Variants in NFAT5 observed in about 807,000 individuals in gnomAD.
NFAT5 encodes the protein nuclear factor of activated T-cells 5.
NFAT5 carries 31 observed loss-of-function variants against 166.5 expected under a neutral mutation model. The observed-to-expected ratio is 0.19, with a 90% confidence interval of 0.14 to 0.25. The LOEUF is 0.25. NFAT5 is among the 10% of genes least tolerant of loss of function. The pLI is 1.00. For synonymous variants in NFAT5, 612 were observed against 639.7 expected (o/e 0.96, Z 0.65); for missense variants, 1,449 against 1,821.8 (o/e 0.80, Z 3.72).
chr16:69,587,944 C>CTTTTTTTTTTTTTT (rs61460423), intron 2 of NFAT5, among the ~76,000 whole-genome samples: 1 of 68,250 alleles, frequency 1.5e-5, no homozygotes, highest in Non-Finnish European at 2.9e-5. Flanking sequence ...ATAGTGCTTT[C>CTTTTTTTTTTTTTT]TTTTTTTTTT....
intron 2 of NFAT5, among the ~76,000 whole-genome samples, chr16:69,585,751 C>G (rs1442902982): frequency 2.6e-5 from 4 of 152,104 alleles, no homozygotes; most frequent in African/African-American, 9.7e-5. Context: ...TTGTATGATT[C>G]CATTTACATC....
chr16:69,575,417 C>T (rs2016690390), intron 2 of NFAT5, among the ~76,000 whole-genome samples: 1 of 152,252 alleles, frequency 6.6e-6, no homozygotes, highest in African/African-American at 2.4e-5. Flanking sequence ...ATCCGCCCGC[C>T]TCAGCCTCCC....
At chr16:69,634,911 G>T (rs1346261369) in intron 3 of NFAT5, among the ~76,000 whole-genome samples, 4 of 151,616 alleles carry the variant, frequency 2.6e-5, no homozygotes, top group African/African-American at 9.7e-5. Flanking sequence ...TCTTCTTAAG[G>T]TTCTTATGAA....
chr16:69,688,202 CAAAAAAA>C (rs1188158260), intron 11 of NFAT5, among the ~76,000 whole-genome samples: 19 of 49,524 alleles, frequency 3.8e-4, no homozygotes, highest in African/African-American at 1.0e-3. Context: ...GACTCCGTCT[CAAAAAAA>C]AAAAAAAAAA....
In NFAT5 at chr16:69,692,432, A is replaced by C; in HGVS notation, c.2607A>C (p.Pro869=). 6.2e-7 allele frequency: 1 copy of C among 1,614,248 alleles called. No homozygotes were observed. Among genetic ancestry groups the C allele is most frequent in the Non-Finnish European group, 8.5e-7 (1 of 1,180,048 alleles). ...VSPGMFSSTE[P]TVHTRPDNLL... ...CTGGAATGTTTTCCTCAACAGAGCC[A>C]ACAGTCCATACCAGACCAGATAATT... The change falls in exon 13 of 15, where the codon CCA becomes CCC. Residue 869 remains proline, a synonymous_variant. Coordinates refer to ENST00000349945, the MANE Select transcript of NFAT5 (RefSeq NM_138713.4).
Position 69,647,596 on chromosome 16 carries a change from C to A in NFAT5, c.812+10C>A. On this transcript the variant is annotated intron_variant, in intron 4 of 14. Transcript: ENST00000349945. This position sits in a 1 kb window ranked among gnomAD's most constrained non-coding sequence, Gnocchi z 4.8. Reference sequence around the variant, plus strand: ...CAAAAGCGGGAAATGGGTTGGTATTCACATTTTTTAAAATTCTATCATCAT... The same window carrying A: ...CAAAAGCGGGAAATGGGTTGGTATTAACATTTTTTAAAATTCTATCATCAT... 1 of 1,538,158 alleles carries A rather than the reference C, an allele frequency of 6.5e-7. No individual in the cohort carries two copies. The highest frequency in any genetic ancestry group is 8.7e-7 in the Non-Finnish European group (1 of 1,148,840).
intron 10 of NFAT5, 55 bp from the exon 11 acceptor site, chr16:69,684,832 C>G: frequency 8.9e-7 from 1 of 1,127,592 alleles, no homozygotes; most frequent in East Asian, 2.5e-5. Context: ...ATTTAAGATA[C>G]GAGGTTTTTA....
chr16:69,649,730 A>G (rs1431190894), intron 4 of NFAT5, among the ~76,000 whole-genome samples: 1 of 152,048 alleles, frequency 6.6e-6, no homozygotes, highest in Non-Finnish European at 1.5e-5. Flanking sequence ...AAAAGCCTGT[A>G]TTCTTCAACA....
rs1391346855 is a variant in NFAT5, at chr16:69,698,754, ATTG to A, written c.*2409_*2411del. 3 of 152,694 alleles carry A rather than the reference ATTG, an allele frequency of 2.0e-5. No homozygotes were observed. Among genetic ancestry groups the A allele is most frequent in the African/African-American group, 7.2e-5 (3 of 41,546 alleles). The allele number at this position is 152,694 out of a possible 1,614,324, so 9.5% of individuals were successfully genotyped here. On this transcript the variant is annotated 3_prime_UTR_variant, in exon 15 of 15. Transcript: ENST00000349945. ...CTCACTATATATTTAATATTTTATT[ATTG>A]TTGTTATTGTTATTATTAATTGGCT...
chr16:69,589,027 T>C (rs1315650870), intron 2 of NFAT5, among the ~76,000 whole-genome samples: 2 of 145,528 alleles, frequency 1.4e-5, no homozygotes, highest in African/African-American at 5.1e-5. Context: ...GGAGTTTTGC[T>C]TTTGTTGCCC....
rs557208844 is a variant in NFAT5 at position 69,634,809 on chromosome 16, A to G, written c.253+8281A>G. Among the ~76,000 whole-genome samples the G allele has an allele frequency of 1.2e-4, 18 of 152,316 alleles. 2 individuals carry two copies. The highest frequency in any genetic ancestry group is 5.8e-4 in the East Asian group (3 of 5,192). ...AAGACTGAATTTGAATCTAATTGCTATCATATCATATCTCCTATATAGATG... is the reference window on the plus strand; with the variant it reads ...AAGACTGAATTTGAATCTAATTGCTGTCATATCATATCTCCTATATAGATG... On this transcript the variant is annotated intron_variant, in intron 3 of 14. Transcript: ENST00000349945.
chr16:69,688,894 T>C (rs12447883), intron 11 of NFAT5, among the ~76,000 whole-genome samples: 33,122 of 152,138 alleles, frequency 0.22, 3,930 homozygotes, highest in East Asian at 0.45. Context: ...ATAACACTAA[T>C]GGTTTTTCAA....
At chr16:69,664,486 C>T (rs994602294) in intron 7 of NFAT5, among the ~76,000 whole-genome samples, 4 of 151,944 alleles carry the variant, frequency 2.6e-5, no homozygotes, top group East Asian at 1.9e-4. Flanking sequence ...GGGGTTTCAC[C>T]GTGTTAGCCA....
chr16:69,628,574 TCA>T (rs1333261416), intron 3 of NFAT5, among the ~76,000 whole-genome samples: 1 of 152,164 alleles, frequency 6.6e-6, no homozygotes, highest in Non-Finnish European at 1.5e-5. Flanking sequence ...AGAGTTTAAA[TCA>T]CAGAATAATT....
chr16:69,607,658 C>G (rs973211961), intron 2 of NFAT5, among the ~76,000 whole-genome samples: 1 of 152,166 alleles, frequency 6.6e-6, no homozygotes, highest in Non-Finnish European at 1.5e-5. Context: ...TAGCCACTGG[C>G]AAATGGAAAC....
chr16:69,622,458 G>C (rs537816512), intron 2 of NFAT5, among the ~76,000 whole-genome samples: 1 of 152,208 alleles, frequency 6.6e-6, no homozygotes, highest in East Asian at 1.9e-4. Context: ...ACTTGACCTT[G>C]CATTTTACTT....
rs1271624149 is a variant in NFAT5, at chr16:69,699,469, G to A, written c.*3118G>A. On this transcript the variant is annotated 3_prime_UTR_variant, in exon 15 of 15. Transcript: ENST00000349945. ...ACCATATTCTTGTTCAATAATAATAGGTTTGTTGTTTTTTTTACATTGTTA... is the reference window on the plus strand; with the variant it reads ...ACCATATTCTTGTTCAATAATAATAAGTTTGTTGTTTTTTTTACATTGTTA... 1 of 152,526 alleles carries A rather than the reference G, an allele frequency of 6.6e-6. No homozygotes were observed. The highest frequency in any genetic ancestry group is 1.5e-5 in the Non-Finnish European group (1 of 68,010). The allele number at this position is 152,526 out of a possible 1,614,324, so 9.4% of individuals were successfully genotyped here. A position where few individuals can be genotyped will look rare whatever the true frequency, so the allele number is the denominator to read the frequency against.
In NFAT5 at chr16:69,677,340, G is replaced by T. The variant is rs927649450; in HGVS notation, c.1690+5G>T. 2 of 1,554,792 alleles carry T rather than the reference G, an allele frequency of 1.3e-6. No homozygotes were observed. On this transcript the variant is annotated splice_donor_5th_base_variant and intron_variant, in intron 10 of 14. Coordinates refer to ENST00000349945, the MANE Select transcript of NFAT5 (RefSeq NM_138713.4). ...TCACTTACACTCCAGACCCAGGTAT[G>T]TCAAAATGAAAAATTCAGAACTAAA...
chr16:69,615,996 C>A (rs2033925656), intron 2 of NFAT5, among the ~76,000 whole-genome samples: 1 of 152,248 alleles, frequency 6.6e-6, no homozygotes, highest in Non-Finnish European at 1.5e-5. Context: ...AGCCTCCTAT[C>A]TTGCTCATCC....
Sources: gnomAD v4.1 joint callset for allele counts (sites outside exome capture counted in the v4.1 genomes callset) on GRCh38, gnomAD v4.1.1 for gene constraint, Gnocchi (gnomAD v3.1) non-coding constraint, MANE v1.5 for transcripts, NCBI Gene and HGNC (gene_info 2026-07-23, HGNC 2026-07-21) for gene names.